Variants in KITLG observed in about 807,000 individuals in gnomAD.
KITLG encodes the protein KIT ligand, also known as c-Kit ligand.
In KITLG, 13 loss-of-function variants were observed where a neutral mutation model predicts 34.1. The observed-to-expected ratio is 0.38, with a 90% CI of 0.25 to 0.61. The LOEUF is 0.61. Ranked by LOEUF, KITLG falls within the 20% of genes least tolerant of loss-of-function variation. The pLI, the probability that KITLG is intolerant of heterozygous loss-of-function variation, is 0.60. For synonymous variants in KITLG, 110 were observed against 104.0 expected, an observed-to-expected ratio of 1.06 and a Z score of -0.35; for missense variants, 292 against 318.9, an observed-to-expected ratio of 0.92 and a Z score of 0.64.
rs1034209485 is a variant in KITLG at position 88,533,070 on chromosome 12, A to G, written c.130-567T>C. On this transcript the variant is annotated intron_variant, in intron 2 of 9. Transcript: ENST00000644744. Reference sequence around the variant, plus strand: ...AAATGATCAGTGAAACTTCAAAAAAACAATGCTACTTATGAGATGCAAATG... The same window carrying G: ...AAATGATCAGTGAAACTTCAAAAAAGCAATGCTACTTATGAGATGCAAATG... Among the ~76,000 whole-genome samples the G allele has an allele frequency of 1.5e-4, 23 of 152,310 alleles. 1 individual carries two copies. Among genetic ancestry groups the G allele is most frequent in the Middle Eastern group, 6.8e-3 (2 of 294 alleles).
intron 9 of KITLG, among the ~76,000 whole-genome samples, chr12:88,501,315 A>G (rs560082006): frequency 6.6e-6 from 1 of 152,140 alleles, no homozygotes; most frequent in African/African-American, 2.4e-5. Flanking sequence ...CTTGCCATAA[A>G]CCTGAGTCAT....
intron 1 of KITLG, among the ~76,000 whole-genome samples, chr12:88,567,790 C>A (rs1324138644): frequency 6.6e-6 from 1 of 152,182 alleles, no homozygotes; most frequent in Non-Finnish European, 1.5e-5. Context: ...TTAATCCTCA[C>A]AGTCACCTTA....
At position 88,505,216 on chromosome 12, in the gene KITLG, T is replaced by C; in HGVS notation, c.802A>G (p.Arg268Gly). Residue 268 changes from arginine to glycine, a missense_variant, in exon 9 of 10, where the codon AGA (arginine) becomes GGA (glycine). Coordinates refer to ENST00000644744, the MANE Select transcript of KITLG (RefSeq NM_000899.5). ...CACAATTACACTTCTTGAAACTCTC[T>C]CTCTTTCTCTTGCAACATACTGAAA... ...NEISMLQEKE[R>G]EFQEV The C allele has an allele frequency of 1.2e-6, 2 of 1,611,162 alleles. No homozygotes were observed. The highest frequency in any genetic ancestry group is 1.7e-6 in the Non-Finnish European group (2 of 1,177,496).
At chr12:88,512,570 A>C (rs1288751138) in intron 6 of KITLG, among the ~76,000 whole-genome samples, 1 of 152,018 alleles carries the variant, frequency 6.6e-6, no homozygotes, top group African/African-American at 2.4e-5. Context: ...GATAAATACA[A>C]AGAAAACCAC....
chr12:88,512,080 A>T lies in KITLG; in HGVS notation c.604+3454T>A, dbSNP rs1869298622. 4.6e-5 allele frequency among the ~76,000 whole-genome samples: 7 copies of T among 152,180 alleles called. No homozygotes were observed. The South Asian group carries it at 1.4e-3, about 32-fold the overall frequency. ...AAGAAGTCAATAGACATCAACTCTG[A>T]GATGACCTATGTGTTGAAATTTGGA... On this transcript the variant is annotated intron_variant, in intron 6 of 9. Transcript: ENST00000644744.
At chr12:88,573,127 T>C (rs1871711007) in intron 1 of KITLG, among the ~76,000 whole-genome samples, 1 of 152,158 alleles carries the variant, frequency 6.6e-6, no homozygotes, top group Non-Finnish European at 1.5e-5. Flanking sequence ...GTTTTCTAGA[T>C]CACATTAGAA....
In KITLG at chr12:88,574,745, G is replaced by A. The variant is rs1871774418; in HGVS notation, c.15+5519C>T. 2.0e-5 allele frequency among the ~76,000 whole-genome samples: 3 copies of A among 152,146 alleles called. No homozygotes were observed. In the South Asian group the frequency reaches 6.2e-4, roughly 31 times the overall value. Reference sequence around the variant, plus strand: ...AGTTAAAGGGACAGAAAAAAAACAGGCAAATACAGGGAAGCATTACCTTTT... The same window carrying A: ...AGTTAAAGGGACAGAAAAAAAACAGACAAATACAGGGAAGCATTACCTTTT... On this transcript the variant is annotated intron_variant, in intron 1 of 9. Transcript: ENST00000644744.
chr12:88,556,778 A>G (rs997840668), intron 1 of KITLG, among the ~76,000 whole-genome samples: 1 of 152,218 alleles, frequency 6.6e-6, no homozygotes, highest in Admixed American at 6.5e-5. Flanking sequence ...GAGATGAGAG[A>G]ATGTGAAGCC....
chr12:88,518,964 G>A (rs779473089), intron 3 of KITLG, 97 bp from the exon 4 acceptor site: 6 of 1,074,472 alleles, frequency 5.6e-6, no homozygotes, highest in African/African-American at 1.6e-5. Flanking sequence ...AGTTACTCAA[G>A]TGATTCTCCT....
Position 88,507,070 on chromosome 12 carries a change from A to T in KITLG, c.672T>A (p.Phe224Leu). ...CAAAAGCAAAGCCAATTATAAGAGA[A>T]AACAATGCTGGCAATGCCATGGCTG... ...HWAAMALPALFSLIIGFAFGA... is the reference protein window; with the variant it reads ...HWAAMALPALLSLIIGFAFGA... Residue 224 changes from phenylalanine (F) to leucine (L), a missense_variant, in exon 7 of 10, where the codon TTT (phenylalanine) becomes TTA (leucine). By Grantham distance (22) the Phe-to-Leu change is conservative (BLOSUM62 0). Around this residue, in one of 2 missense-constraint regions of KITLG, gnomAD observed 140 missense variants for 111.0 expected, o/e 1.26. Transcript: ENST00000644744. The T allele has an allele frequency of 6.2e-7, 1 of 1,613,674 alleles. No homozygotes were observed. The highest frequency in any genetic ancestry group is 1.1e-5 in the South Asian group (1 of 91,078).
intron 6 of KITLG, 104 bp downstream of exon 6, chr12:88,515,430 G>A (rs1869420512): frequency 1.4e-6 from 1 of 730,386 alleles, no homozygotes; most frequent in Admixed American, 2.0e-5. Flanking sequence ...TAACAGAACA[G>A]TATCAATAAT....
intron 3 of KITLG, among the ~76,000 whole-genome samples, chr12:88,521,726 T>C (rs1869671800): frequency 6.6e-6 from 1 of 152,212 alleles, no homozygotes; most frequent in Non-Finnish European, 1.5e-5. Flanking sequence ...CCTGTATGTA[T>C]TGTTTCCAAA....
In KITLG at chr12:88,518,755, T is replaced by A; in HGVS notation, c.305A>T (p.Asp102Val). ...SEGLSNYSIIDKLVNIVDDLV... is the reference protein window; with the variant it reads ...SEGLSNYSIIVKLVNIVDDLV... ...GTCATCCACTATATTCACAAGTTTG[T>A]CTATGATGGAATAATTACTCAAGCC... is the stretch of plus-strand genomic sequence containing the variant. The change falls in exon 4 of 10, where the codon GAC becomes GTC. Residue 102 changes from aspartate (D) to valine (V), a missense_variant. Physicochemically the swap from Asp to Val is radical, Grantham distance 152. Transcript: ENST00000644744. The A allele has an allele frequency of 6.2e-7, 1 of 1,613,490 alleles. No homozygotes were observed. Among genetic ancestry groups the A allele is most frequent in the Non-Finnish European group, 8.5e-7 (1 of 1,179,538 alleles).
At chr12:88,545,558 A>G (rs1870690472) in intron 2 of KITLG, among the ~76,000 whole-genome samples, 194 bp downstream of exon 2, 1 of 152,220 alleles carries the variant, frequency 6.6e-6, no homozygotes, top group South Asian at 2.1e-4. Flanking sequence ...CAGTTTTACC[A>G]ACAAATTATC....
intron 3 of KITLG, among the ~76,000 whole-genome samples, chr12:88,524,748 A>T (rs540294902): frequency 6.6e-6 from 1 of 152,338 alleles, no homozygotes; most frequent in African/African-American, 2.4e-5. Flanking sequence ...ACAGTATACA[A>T]AAGAACTACT....
chr12:88,503,695 T>C (rs1868948006), intron 9 of KITLG, among the ~76,000 whole-genome samples: 1 of 152,136 alleles, frequency 6.6e-6, no homozygotes, highest in Non-Finnish European at 1.5e-5. Context: ...CAGTACCTTC[T>C]AGCCACATCT....
chr12:88,545,960 C>A, intron 1 of KITLG, 95 bp from the exon 2 acceptor site: 1 of 778,940 alleles, frequency 1.3e-6, no homozygotes, highest in Non-Finnish European at 2.3e-6. Context: ...ACAAAAAGAC[C>A]AGTCTAATAT....
At chr12:88,562,581 T>C (rs1871331400) in intron 1 of KITLG, among the ~76,000 whole-genome samples, 1 of 152,212 alleles carries the variant, frequency 6.6e-6, no homozygotes, top group East Asian at 1.9e-4. Flanking sequence ...ATCAGTTGGG[T>C]ATAAACCATT....
intron 1 of KITLG, among the ~76,000 whole-genome samples, chr12:88,577,361 T>C (rs1046597406): frequency 1.3e-5 from 2 of 152,136 alleles, no homozygotes; most frequent in South Asian, 4.1e-4. Flanking sequence ...ATTTCTGAAA[T>C]TGACAGGAGT....
Sources: allele counts gnomAD v4.1 joint callset (sites outside exome capture counted in the v4.1 genomes callset), GRCh38; gene constraint gnomAD v4.1.1; regional missense constraint gnomAD v4.1.1; transcripts MANE v1.5; gene names NCBI Gene and HGNC (gene_info 2026-07-23, HGNC 2026-07-21).